Variants in REL observed in about 807,000 individuals in gnomAD.
REL encodes proto-oncogene c-Rel.
REL carries 15 observed loss-of-function variants against 45.9 expected under a neutral mutation model. The observed-to-expected ratio is 0.33, with a 90% CI of 0.22 to 0.50. The LOEUF (loss-of-function observed/expected upper bound fraction) is 0.50. REL is among the 20% of genes least tolerant of loss of function. REL has a pLI of 0.98. For synonymous variants in REL, 239 were observed against 242.1 expected (o/e 0.99, Z 0.12); for missense variants, 601 against 715.2 (o/e 0.84, Z 1.82).
chr2:60,898,952 C>G (rs998221293), intron 3 of REL: 1 of 152,214 alleles, frequency 6.6e-6, no homozygotes, highest in African/African-American at 2.4e-5. Flanking sequence ...CAAACAATCT[C>G]TTGATCCTTC....
rs1184322167 is a variant in REL at position 60,925,785 on chromosome 2, GT to G, written c.*3257del. On this transcript the variant is annotated 3_prime_UTR_variant, in exon 10 of 10. Transcript: ENST00000394479. ...ACTGACTGTTAGAATAGCTGCATGG[GT>G]TTTTTTCTTTAAACTAATTAAGCGT... 1 of 207,804 alleles carries G rather than the reference GT, an allele frequency of 4.8e-6. No individual in the cohort carries two copies. The highest frequency in any genetic ancestry group is 5.9e-5 in the Admixed American group (1 of 16,868). The allele number at this position is 207,804 out of a possible 1,614,324, so 12.9% of individuals were successfully genotyped here.
Position 60,929,492 on chromosome 2 carries a change from TA to T in REL, c.*6963del, listed in dbSNP as rs1337778998. 3 of 150,772 alleles carry T rather than the reference TA, an allele frequency of 2.0e-5. No homozygotes were observed. The highest frequency in any genetic ancestry group is 3.0e-5 in the Non-Finnish European group (2 of 67,754). The allele number at this position is 150,772 out of a possible 1,614,324, so 9.3% of individuals were successfully genotyped here. ...TACACCATGGAATACTATGCAGCCA[TA>T]AAAAATGATGAATTCATGTCCTTTG... On this transcript the variant is annotated 3_prime_UTR_variant, in exon 10 of 10. Coordinates refer to ENST00000394479, the MANE Select transcript of REL (RefSeq NM_001291746.2).
intron 1 of REL, among the ~76,000 whole-genome samples, chr2:60,887,670 CTG>C (rs1346633005): frequency 2.0e-5 from 3 of 149,818 alleles, no homozygotes; most frequent in Admixed American, 1.3e-4. Flanking sequence ...TTACAGTATA[CTG>C]TGTTACTTGG....
chr2:60,924,428 A>T lies in REL; in HGVS notation c.*1893A>T, dbSNP rs1347470979. The T allele has an allele frequency of 4.7e-6, 1 of 212,654 alleles. No homozygotes were observed. Among genetic ancestry groups the T allele is most frequent in the Non-Finnish European group, 9.5e-6 (1 of 105,240 alleles). 13.2% of individuals were successfully genotyped at this position (212,654 alleles called of 1,614,324 possible). ...CTAATAGAACTTTGGTTTTTGAAAG[A>T]AATAATAACTTTAATTATAAGACGT... On this transcript the variant is annotated 3_prime_UTR_variant, in exon 10 of 10. Coordinates refer to ENST00000394479, the MANE Select transcript of REL (RefSeq NM_001291746.2).
intron 4 of REL, among the ~76,000 whole-genome samples, chr2:60,909,980 T>A (rs1276508978): frequency 6.6e-6 from 1 of 152,194 alleles, no homozygotes; most frequent in Non-Finnish European, 1.5e-5. Flanking sequence ...TGTTTGACAG[T>A]ATTAGAATTT....
chr2:60,891,867 T>C lies in REL; in HGVS notation c.153+42T>C, dbSNP rs1673224417. ...CTGTGTCTATCTCACTATTAGTTGC[T>C]TCATATACTAGCTATAGCAATTATT... On this transcript the variant is annotated intron_variant, in intron 2 of 9. Transcript: ENST00000394479. The C allele has an allele frequency of 3.3e-6, 5 of 1,536,198 alleles. No homozygotes were observed. The East Asian group carries it at 1.2e-4, about 36-fold the overall frequency.
Position 60,922,249 on chromosome 2 carries a change from A to G in REL, c.1478A>G (p.Asn493Ser). 6.2e-7 allele frequency: 1 copy of G among 1,614,140 alleles called. No individual in the cohort carries two copies. Among genetic ancestry groups the G allele is most frequent in the Non-Finnish European group, 8.5e-7 (1 of 1,180,014 alleles). The change falls in exon 10 of 10, where the codon AAT becomes AGT. Residue 493 changes from asparagine (N) to serine (S), a missense_variant. Coordinates refer to ENST00000394479, the MANE Select transcript of REL (RefSeq NM_001291746.2). ...ATGAATCTTGAAAACCCCTCATGTA[A>G]TTCAGTGTTAGACCCAAGAGACTTG... ...LSMNLENPSCNSVLDPRDLRQ... is the reference protein window; with the variant it reads ...LSMNLENPSCSSVLDPRDLRQ...
rs1674333516 is a variant in REL at position 60,929,155 on chromosome 2, A to C, written c.*6620A>C. 2 of 151,446 alleles carry C rather than the reference A, an allele frequency of 1.3e-5. No homozygotes were observed. The highest frequency in any genetic ancestry group is 6.6e-5 in the Admixed American group (1 of 15,216). 9.4% of individuals were successfully genotyped at this position (151,446 alleles called of 1,614,324 possible). A position where few individuals can be genotyped will look rare whatever the true frequency, so the allele number is the denominator to read the frequency against. ...CACACCAGTTAGAATGGCAATCATT[A>C]AAAAGTCAGGAGACAACAGGTGCTG... On this transcript the variant is annotated 3_prime_UTR_variant, in exon 10 of 10. Transcript: ENST00000394479.
chr2:60,920,875 C>CA, intron 9 of REL, among the ~76,000 whole-genome samples: 1 of 152,056 alleles, frequency 6.6e-6, no homozygotes, highest in Non-Finnish European at 1.5e-5. Flanking sequence ...CATATGGTAG[C>CA]AATTTTATTA....
intron 4 of REL, among the ~76,000 whole-genome samples, chr2:60,904,487 C>T (rs1315596358): frequency 6.6e-6 from 1 of 151,652 alleles, no homozygotes; most frequent in Non-Finnish European, 1.5e-5. Context: ...AGGAGAATCG[C>T]TTGAACCCAG....
chr2:60,891,959 T>A (rs867024263), intron 2 of REL, 134 bp downstream of exon 2: 29 of 794,700 alleles, frequency 3.6e-5, no homozygotes, highest in South Asian at 4.9e-5. Context: ...TTTTTTTTTT[T>A]AAACGGATCT....
intron 4 of REL, among the ~76,000 whole-genome samples, chr2:60,907,852 A>G (rs1019901830): frequency 3.3e-5 from 5 of 151,400 alleles, no homozygotes; most frequent in Non-Finnish European, 7.4e-5. Flanking sequence ...CACCATGCCC[A>G]GCTAATTTTT....
chr2:60,913,989 G>T (rs957433362), intron 4 of REL, among the ~76,000 whole-genome samples: 1 of 152,192 alleles, frequency 6.6e-6, no homozygotes, highest in African/African-American at 2.4e-5. Flanking sequence ...TTGAGAAAAT[G>T]TATAATAAAT....
At chr2:60,892,791 G>T (rs1005881605) in intron 2 of REL, among the ~76,000 whole-genome samples, 5 of 151,798 alleles carry the variant, frequency 3.3e-5, no homozygotes, top group South Asian at 4.2e-4. Flanking sequence ...GTCTCACTCT[G>T]TTGCCCAGGC....
chr2:60,906,418 CTCTA>C (rs1243100561), intron 4 of REL, among the ~76,000 whole-genome samples: 4 of 152,176 alleles, frequency 2.6e-5, no homozygotes, highest in African/African-American at 9.7e-5. Flanking sequence ...ATTTGAAAAT[CTCTA>C]TCTGAGATGA....
chr2:60,920,695 C>T (rs1027314902), intron 9 of REL, 53 bp downstream of exon 9: 3 of 1,096,528 alleles, frequency 2.7e-6, no homozygotes, highest in Admixed American at 4.2e-5. Context: ...CAGTACTTTG[C>T]ACAATATATT....
At chr2:60,899,735 T>C (rs1443519161) in intron 3 of REL, 1 of 152,332 alleles carries the variant, frequency 6.6e-6, no homozygotes, top group Non-Finnish European at 1.5e-5. Context: ...GTCATGGTTT[T>C]TCCATGTGGG....
At chr2:60,898,459 C>T (rs1295089295) in intron 3 of REL, among the ~76,000 whole-genome samples, 2 of 152,176 alleles carry the variant, frequency 1.3e-5, no homozygotes, top group Non-Finnish European at 2.9e-5. Flanking sequence ...CTTTGTGTGG[C>T]CTGTTCCTTT....
At chr2:60,887,886 A>G (rs1558785979) in intron 1 of REL, among the ~76,000 whole-genome samples, 1 of 151,616 alleles carries the variant, frequency 6.6e-6, no homozygotes, top group Non-Finnish European at 1.5e-5. Flanking sequence ...AGTGTCATGT[A>G]ACCAATGAAG....
Sources: gnomAD v4.1 joint callset for allele counts (sites outside exome capture counted in the v4.1 genomes callset) on GRCh38, gnomAD v4.1.1 for gene constraint, MANE v1.5 for transcripts, NCBI Gene and HGNC (gene_info 2026-07-23, HGNC 2026-07-21) for gene names.